Variants in BABAM2 observed in about 807,000 individuals in gnomAD.
The protein encoded by BABAM2 is BRISC and BRCA1-A complex member 2.
BABAM2 carries 31 observed loss-of-function variants against 54.7 expected under a neutral mutation model. That is an observed-to-expected ratio of 0.57 (90% CI 0.43 to 0.77). The LOEUF (loss-of-function observed/expected upper bound fraction) is 0.77. BABAM2 is among the 30% of genes least tolerant of loss of function. BABAM2 has a pLI of 0.00. For missense variants in BABAM2, 364 were observed against 455.8 expected (o/e 0.80, Z 1.83); for synonymous variants, 167 against 162.9 (o/e 1.03, Z -0.19).
intron 4 of BABAM2, among the ~76,000 whole-genome samples, chr2:28,017,423 T>C (rs1436774202): frequency 6.6e-6 from 1 of 152,244 alleles, no homozygotes; most frequent in East Asian, 1.9e-4. Context: ...AATTTATTCA[T>C]GATTATAGAC....
At chr2:27,982,295 A>C (rs1431876296) in intron 3 of BABAM2, among the ~76,000 whole-genome samples, 7 of 151,986 alleles carry the variant, frequency 4.6e-5, no homozygotes, top group Non-Finnish European at 1.5e-5. Context: ...CTCCCTGTGG[A>C]TTGTCTTCAC....
chr2:28,108,709 G>A (rs931008959), intron 6 of BABAM2, among the ~76,000 whole-genome samples: 1 of 152,152 alleles, frequency 6.6e-6, no homozygotes, highest in Non-Finnish European at 1.5e-5. Context: ...ATAACTCAGT[G>A]TAGAGACACT....
At chr2:28,279,993 C>G (rs1015101225) in intron 10 of BABAM2, among the ~76,000 whole-genome samples, 1 of 151,408 alleles carries the variant, frequency 6.6e-6, no homozygotes. Flanking sequence ...AATGTAAAAA[C>G]TCACATACCT....
intron 7 of BABAM2, among the ~76,000 whole-genome samples, chr2:28,136,653 C>G (rs2147725310): frequency 6.6e-6 from 1 of 152,300 alleles, no homozygotes; most frequent in Admixed American, 6.5e-5. Flanking sequence ...TCAACTGAAT[C>G]CTGGAGGTGG....
chr2:28,153,683 A>G (rs1481138965), intron 7 of BABAM2, among the ~76,000 whole-genome samples: 1 of 152,206 alleles, frequency 6.6e-6, no homozygotes, highest in Non-Finnish European at 1.5e-5. Context: ...GAACTTGTTA[A>G]CAGTGTAGAC....
At chr2:28,283,278 T>C (rs974625149) in intron 10 of BABAM2, among the ~76,000 whole-genome samples, 3 of 152,196 alleles carry the variant, frequency 2.0e-5, no homozygotes, top group Non-Finnish European at 4.4e-5. Flanking sequence ...CGTAATCTCA[T>C]TTGTAAAACG....
At chr2:28,284,446 C>T (rs1686631101) in intron 10 of BABAM2, among the ~76,000 whole-genome samples, 1 of 150,804 alleles carries the variant, frequency 6.6e-6, no homozygotes, top group African/African-American at 2.4e-5. Flanking sequence ...AAAGAAAGAG[C>T]CTTTATCTTA....
chr2:28,160,998 T>G (rs1323357978), intron 7 of BABAM2, among the ~76,000 whole-genome samples: 1 of 152,044 alleles, frequency 6.6e-6, no homozygotes, highest in East Asian at 1.9e-4. Flanking sequence ...TGAGGCGAGG[T>G]TCTCTGTGAA....
At chr2:28,162,698 T>C (rs1333827881) in intron 7 of BABAM2, among the ~76,000 whole-genome samples, 2 of 152,208 alleles carry the variant, frequency 1.3e-5, no homozygotes, top group African/African-American at 4.8e-5. Flanking sequence ...TTTTTAAGCA[T>C]CTTGACTGAA....
chr2:28,115,182 AAC>A (rs35506654), intron 6 of BABAM2, among the ~76,000 whole-genome samples: 27,609 of 141,940 alleles, frequency 0.19, 2,922 homozygotes, highest in East Asian at 0.41. Flanking sequence ...ATAACTTTAA[AAC>A]ACACACACAC....
intron 4 of BABAM2, among the ~76,000 whole-genome samples, chr2:28,009,009 A>C (rs142421167): frequency 5.9e-5 from 9 of 152,258 alleles, no homozygotes; most frequent in Non-Finnish European, 8.8e-5. Flanking sequence ...GGAAAGCTCT[A>C]GTGGGTGGAG....
At chr2:28,065,418 C>T (rs1175581451) in intron 6 of BABAM2, among the ~76,000 whole-genome samples, 1 of 152,156 alleles carries the variant, frequency 6.6e-6, no homozygotes, top group Non-Finnish European at 1.5e-5. Flanking sequence ...AGGTTCTGGC[C>T]GTGACAGGAG....
chr2:27,963,625 G>A (rs1309894690), intron 3 of BABAM2, among the ~76,000 whole-genome samples: 1 of 152,044 alleles, frequency 6.6e-6, no homozygotes, highest in Non-Finnish European at 1.5e-5. Context: ...TAGTCTTAAC[G>A]GTTTTTTAAT....
chr2:27,906,804 C>T (rs1213748271), intron 2 of BABAM2, among the ~76,000 whole-genome samples: 1 of 149,152 alleles, frequency 6.7e-6, no homozygotes, highest in African/African-American at 2.5e-5. Context: ...TTACATTGTT[C>T]AAAGGAAAAA....
intron 6 of BABAM2, among the ~76,000 whole-genome samples, chr2:28,068,281 C>G (rs190907177): frequency 9.2e-5 from 14 of 152,104 alleles, no homozygotes; most frequent in African/African-American, 3.4e-4. Flanking sequence ...TATTTACAAC[C>G]TACATATGTA....
rs186145178 is a variant in BABAM2 at position 27,921,463 on chromosome 2, A to G, written c.129-8369A>G. The stretch of plus-strand genomic sequence containing the variant: ...TGATTTATAATTCACTAATCATAAG[A>G]TATTAATCTGATGGTTTTCTCTTAA... On this transcript the variant is annotated intron_variant, in intron 2 of 11. Transcript: ENST00000379624. 8.7e-3 allele frequency among the ~76,000 whole-genome samples: 1,327 copies of G among 152,284 alleles called. 10 individuals carry two copies. The highest frequency in any genetic ancestry group is 0.013 in the Non-Finnish European group (856 of 68,018).
intron 3 of BABAM2, among the ~76,000 whole-genome samples, chr2:27,953,219 C>T (rs926630286): frequency 5.3e-5 from 8 of 152,016 alleles, no homozygotes; most frequent in African/African-American, 1.2e-4. Context: ...CTTGCTCTGT[C>T]GCCCAGGCTG....
chr2:27,975,756 AGAG>A (rs1671553160), intron 3 of BABAM2, among the ~76,000 whole-genome samples: 1 of 151,810 alleles, frequency 6.6e-6, no homozygotes, highest in Non-Finnish European at 1.5e-5. Flanking sequence ...GTTAAGAGGA[AGAG>A]GAGGACAAGA....
At chr2:28,244,628 C>A in intron 9 of BABAM2, 152 bp from the exon 10 acceptor site, 1 of 636,702 alleles carries the variant, frequency 1.6e-6, no homozygotes, top group Non-Finnish European at 2.7e-6. Context: ...AAACCCCAGG[C>A]CCTTCCTGCA....
Sources: gnomAD v4.1 joint callset for allele counts (sites outside exome capture counted in the v4.1 genomes callset) on GRCh38, gnomAD v4.1.1 for gene constraint, MANE v1.5 for transcripts, NCBI Gene and HGNC (gene_info 2026-07-23, HGNC 2026-07-21) for gene names.